FCHSD1: variants seen among roughly 807,000 people sequenced by gnomAD.
The protein encoded by FCHSD1 is F-BAR and double SH3 domains protein 1.
In FCHSD1, 109 loss-of-function variants were observed where a neutral mutation model predicts 101.3. The ratio of observed to expected loss-of-function variants is 1.08; its 90% CI spans 0.92 to 1.26. The LOEUF is 1.26. Ranked by LOEUF, FCHSD1 falls within the 50% of genes most tolerant of loss-of-function variation. The probability of loss-of-function intolerance (pLI) is 0.00; values close to 1 mark genes in which losing one functional copy is unlikely to be tolerated. For missense variants in FCHSD1, 820 were observed against 895.8 expected, an observed-to-expected ratio of 0.92 and a Z score of 1.08; for synonymous variants, 291 against 356.8, an observed-to-expected ratio of 0.82 and a Z score of 2.08.
Position 141,640,065 on chromosome 5 carries a change from C to A in FCHSD1, c.*1433G>T, listed in dbSNP as rs141623307. ...GGGAGGGCAGCCCAAGGCAGGGATG[C>A]CTGCCATGGAGAGGCTGCCCCCTGA... On this transcript the variant is annotated 3_prime_UTR_variant, in exon 20 of 20. Coordinates refer to ENST00000435817, the MANE Select transcript of FCHSD1 (RefSeq NM_033449.3). 1.9e-6 allele frequency: 3 copies of A among 1,613,514 alleles called. No homozygotes were observed. In the African/African-American group the frequency reaches 4.0e-5, roughly 22 times the overall value.
In FCHSD1 at chr5:141,651,145, C is replaced by T. The variant is rs1444971323; in HGVS notation, c.22-28G>A. 5.1e-6 allele frequency: 8 copies of T among 1,562,806 alleles called. No homozygotes were observed. The South Asian group carries it at 7.1e-5, about 14-fold the overall frequency. ...GTGGGGGCAAAGAGAGGATGAAGAC[C>T]CCAGCGCAAGGACCTAAAAAACACT... On this transcript the variant is annotated intron_variant, in intron 1 of 19. Transcript: ENST00000435817.
chr5:141,641,665 C>T (rs771211258), intron 19 of FCHSD1, 37 bp downstream of exon 19: 7 of 1,613,544 alleles, frequency 4.3e-6, no homozygotes, highest in Admixed American at 3.3e-5. Flanking sequence ...GGAATAACCC[C>T]TCTACATACA....
rs200320253 is a variant in FCHSD1 at position 141,640,228 on chromosome 5, C to T, written c.*1270G>A. ...ACACTGAGGGCCGGAGGGAGGGGCC[C>T]AAGCCCAGGGCTGCCCACTCAAGAG... On this transcript the variant is annotated 3_prime_UTR_variant, in exon 20 of 20. Coordinates refer to ENST00000435817, the MANE Select transcript of FCHSD1 (RefSeq NM_033449.3). The T allele has an allele frequency of 6.2e-7, 1 of 1,614,152 alleles. No individual in the cohort carries two copies. The highest frequency in any genetic ancestry group is 2.2e-5 in the East Asian group (1 of 44,880).
At position 141,651,121 on chromosome 5, in the gene FCHSD1, T is replaced by TGGGGGCAAAGAGAGGATGAAGACCC. The variant is rs2099908337; in HGVS notation, c.22-29_22-5dup. ...TCACCTCCTGGGCCGGCTTCACCTGTGGGGGCAAAGAGAGGATGAAGACCC... is the reference window on the plus strand; with the variant it reads ...TCACCTCCTGGGCCGGCTTCACCTGTGGGGGCAAAGAGAGGATGAAGACCCGGGGGCAAAGAGAGGATGAAGACCC... On this transcript the variant is annotated splice_region_variant and splice_polypyrimidine_tract_variant and intron_variant, in intron 1 of 19. Transcript: ENST00000435817. The TGGGGGCAAAGAGAGGATGAAGACCC allele has an allele frequency of 5.1e-6, 8 of 1,576,148 alleles. No homozygotes were observed. The highest frequency in any genetic ancestry group is 6.0e-6 in the Non-Finnish European group (7 of 1,160,898).
chr5:141,650,562 T>C (rs747211053), intron 2 of FCHSD1, among the ~76,000 whole-genome samples, 158 bp from the exon 3 acceptor site: 32 of 151,176 alleles, frequency 2.1e-4, no homozygotes, highest in Non-Finnish European at 2.8e-4. Context: ...CTGATGGGAG[T>C]CCTTGAGATC....
chr5:141,644,512 C>A, intron 16 of FCHSD1, 61 bp downstream of exon 16: 1 of 1,607,966 alleles, frequency 6.2e-7, no homozygotes, highest in Non-Finnish European at 8.5e-7. Context: ...CCCAGGGCTA[C>A]AACCCCTAAC....
chr5:141,640,158 A>AC lies in FCHSD1; in HGVS notation c.*1339dup. ...TGGAGGACTCAGGGACAGCAGCCTA[A>AC]CCCCTCGTGCACTTGAAGGGAACCC... is the stretch of plus-strand genomic sequence containing the variant. On this transcript the variant is annotated 3_prime_UTR_variant, in exon 20 of 20. Transcript: ENST00000435817. 6.2e-7 allele frequency: 1 copy of AC among 1,614,010 alleles called. No individual in the cohort carries two copies. The highest frequency in any genetic ancestry group is 8.5e-7 in the Non-Finnish European group (1 of 1,179,964).
In FCHSD1 at chr5:141,645,075, TG is replaced by T. The variant is rs764634134; in HGVS notation, c.1384del (p.Gln462LysfsTer26). ...TGELFEEPAP[Q>X]ALATRALPCP... ...GGGGAGGGCCCTCGTGGCCAGGGCT[TG>T]GGGGGCAGGCTCCTCAAAGAGCTCT... On this transcript the variant is annotated frameshift_variant, in exon 14 of 20. Transcript: ENST00000435817. LOFTEE classifies it high-confidence loss of function. 3.1e-6 allele frequency: 5 copies of T among 1,591,844 alleles called. No homozygotes were observed. The highest frequency in any genetic ancestry group is 4.3e-6 in the Non-Finnish European group (5 of 1,167,288).
At chr5:141,647,021 C>G (rs1562389813) in intron 10 of FCHSD1, 114 bp downstream of exon 10, 3 of 1,070,470 alleles carry the variant, frequency 2.8e-6, no homozygotes, top group Non-Finnish European at 2.7e-6. Flanking sequence ...GTTCTGAAAC[C>G]CCCTCTCCAC....
Position 141,651,397 on chromosome 5 carries a change from G to A in FCHSD1, c.-29C>T. 1.9e-6 allele frequency: 3 copies of A among 1,551,456 alleles called. No homozygotes were observed. Among genetic ancestry groups the A allele is most frequent in the Non-Finnish European group, 2.6e-6 (3 of 1,147,192 alleles). On this transcript the variant is annotated 5_prime_UTR_variant, in exon 1 of 20. Coordinates refer to ENST00000435817, the MANE Select transcript of FCHSD1 (RefSeq NM_033449.3). The stretch of plus-strand genomic sequence containing the variant: ...CGCTCCAGCAAGGCGGTCAGCCACT[G>A]GACTCCGGAACTGGAGGAAGCCCCG...
rs6882352 is a variant in FCHSD1 at position 141,649,552 on chromosome 5, C to A, written c.234-16G>T. On this transcript the variant is annotated splice_polypyrimidine_tract_variant and intron_variant, in intron 4 of 19. Coordinates refer to ENST00000435817, the MANE Select transcript of FCHSD1 (RefSeq NM_033449.3). The surrounding 1 kb of genome is among the most constrained non-coding windows in gnomAD (Gnocchi z 4.1). The stretch of plus-strand genomic sequence containing the variant: ...TGTCCTGCCCCTCCCCAGAGAAGGT[C>A]TGTGTTGAGGAGGAGAGCACTCCAC... The A allele has an allele frequency of 2.5e-3, 4,018 of 1,607,990 alleles. 77 individuals are homozygous for A. The African/African-American group carries it at 0.048, about 19-fold the overall frequency.
In FCHSD1 at chr5:141,640,685, C is replaced by T. The variant is rs117127684; in HGVS notation, c.*813G>A. ...TCTTCTCCAAGTCTCCTTCATTGTG[C>T]TGATGGACTACCAGCTGGCAGGGCC... is the stretch of plus-strand genomic sequence containing the variant. On this transcript the variant is annotated 3_prime_UTR_variant, in exon 20 of 20. Coordinates refer to ENST00000435817, the MANE Select transcript of FCHSD1 (RefSeq NM_033449.3). The T allele has an allele frequency of 7.5e-4, 1,146 of 1,535,064 alleles. 21 individuals are homozygous for T. The East Asian group carries it at 0.021, about 28-fold the overall frequency.
chr5:141,646,285 T>G (rs752123507), intron 11 of FCHSD1, 94 bp from the exon 12 acceptor site: 1 of 1,169,354 alleles, frequency 8.6e-7, no homozygotes, highest in African/African-American at 1.5e-5. Context: ...TCACATACAT[T>G]ATGTCATTTA....
intron 17 of FCHSD1, among the ~76,000 whole-genome samples, chr5:141,643,763 GT>G (rs2099907291): frequency 6.6e-6 from 1 of 151,238 alleles, no homozygotes; most frequent in Non-Finnish European, 1.5e-5. Context: ...CAGGAGAATC[GT>G]TTGAACCCGG....
At position 141,647,092 on chromosome 5, in the gene FCHSD1, G is replaced by A. The variant is rs747261920; in HGVS notation, c.924+43C>T. On this transcript the variant is annotated intron_variant, in intron 10 of 19. Coordinates refer to ENST00000435817, the MANE Select transcript of FCHSD1 (RefSeq NM_033449.3). ...AATGGAGGAGGCCTAAATCATAATC[G>A]CCTTTATATGTGGCCTGGTTCCAAC... 31 of 1,513,464 alleles carry A rather than the reference G, an allele frequency of 2.0e-5. No homozygotes were observed. In the South Asian group the frequency reaches 2.9e-4, roughly 14 times the overall value. The allele number at this position is 1,513,464 out of a possible 1,614,324, so 93.8% of individuals were successfully genotyped here.
At position 141,650,423 on chromosome 5, in the gene FCHSD1, G is replaced by T. The variant is rs759992674; in HGVS notation, c.120-19C>A. Reference sequence around the variant, plus strand: ...GTAGGATCTGCGGAGATTGCAGGTCGGGGGTGAGGTGGGGGATAAGGTTAT... The same window carrying T: ...GTAGGATCTGCGGAGATTGCAGGTCTGGGGTGAGGTGGGGGATAAGGTTAT... On this transcript the variant is annotated intron_variant, in intron 2 of 19. Transcript: ENST00000435817. The T allele has an allele frequency of 6.2e-7, 1 of 1,613,684 alleles. No individual in the cohort carries two copies. Among genetic ancestry groups the T allele is most frequent in the Non-Finnish European group, 8.5e-7 (1 of 1,179,818 alleles).
At position 141,647,168 on chromosome 5, in the gene FCHSD1, T is replaced by G. The variant is rs939768166; in HGVS notation, c.891A>C (p.Pro297=). ...LQEPGVFSPT[P]PQQFQPAGTD... ...TCCCTGCTGGCTGAAACTGCTGAGG[T>G]GGGGTGGGGGAAAATACACCAGGCT... Residue 297 remains proline, a synonymous_variant, in exon 10 of 20, where the codon CCA becomes CCC. Coordinates refer to ENST00000435817, the MANE Select transcript of FCHSD1 (RefSeq NM_033449.3). 1.2e-6 allele frequency: 2 copies of G among 1,609,320 alleles called. No individual in the cohort carries two copies. Among genetic ancestry groups the G allele is most frequent in the Non-Finnish European group, 1.7e-6 (2 of 1,177,990 alleles).
chr5:141,646,459 C>T, intron 11 of FCHSD1, 144 bp downstream of exon 11: 4 of 1,311,674 alleles, frequency 3.0e-6, no homozygotes, highest in Non-Finnish European at 4.1e-6. Context: ...GTGCTCTTAA[C>T]TATTGTGCCA....
rs2099907494 is a variant in FCHSD1, at chr5:141,645,168, A to T, written c.1312-20T>A. The T allele has an allele frequency of 1.3e-6, 2 of 1,503,464 alleles. No individual in the cohort carries two copies. The highest frequency in any genetic ancestry group is 1.8e-6 in the Non-Finnish European group (2 of 1,118,836). 93.1% of individuals were successfully genotyped at this position (1,503,464 alleles called of 1,614,324 possible). A position where few individuals can be genotyped will look rare whatever the true frequency, so the allele number is the denominator to read the frequency against. On this transcript the variant is annotated intron_variant, in intron 13 of 19. Coordinates refer to ENST00000435817, the MANE Select transcript of FCHSD1 (RefSeq NM_033449.3). The stretch of plus-strand genomic sequence containing the variant: ...CTCAGCCTAGAGGGGCAAAGAACAG[A>T]CCTCATATGGGGCCCACTCTCAAGC...
Sources: allele counts gnomAD v4.1 joint callset (sites outside exome capture counted in the v4.1 genomes callset), GRCh38; gene constraint gnomAD v4.1.1; non-coding constraint Gnocchi (gnomAD v3.1); transcripts MANE v1.5; gene names NCBI Gene and HGNC (gene_info 2026-07-23, HGNC 2026-07-21).